Variants in MKI67 observed in about 807,000 individuals in gnomAD.
MKI67 encodes the protein proliferation marker protein Ki-67.
A neutral mutation model predicts 233.5 loss-of-function variants in MKI67; 152 were observed. The ratio of observed to expected loss-of-function variants is 0.65; its 90% CI spans 0.57 to 0.74. The LOEUF is 0.74. Ranked by LOEUF, MKI67 falls within the 30% of genes least tolerant of loss-of-function variation. The pLI is 0.00. For synonymous variants in MKI67, 1,465 were observed against 1,418.5 expected (o/e 1.03, Z -0.74); for missense variants, 3,940 against 3,885.2 (o/e 1.01, Z -0.37).
rs544558012 is a variant in MKI67 at position 128,108,629 on chromosome 10, A to G, written c.3211T>C (p.Ser1071Pro). 3.1e-6 allele frequency: 5 copies of G among 1,612,464 alleles called. No homozygotes were observed. In the African/African-American group the frequency reaches 4.0e-5, roughly 13 times the overall value. The change falls in exon 13 of 15, where the codon TCT becomes CCT. Residue 1071 changes from serine to proline, a missense_variant. By Grantham distance (74) the Ser-to-Pro change is moderately conservative (BLOSUM62 -1). Transcript: ENST00000368654. Reference sequence around the variant, plus strand: ...GCTGGGTCCAGGATCTGCTTTGGAGACTCCTTAAACGTTCTGATGCTCTTG... The same window carrying G: ...GCTGGGTCCAGGATCTGCTTTGGAGGCTCCTTAAACGTTCTGATGCTCTTG... ...DGKSIRTFKE[S>P]PKQILDPAAR...
chr10:128,099,790 T>C (rs1852295994), intron 14 of MKI67, among the ~76,000 whole-genome samples: 1 of 152,104 alleles, frequency 6.6e-6, no homozygotes, highest in Non-Finnish European at 1.5e-5. Context: ...ATATATGCAT[T>C]TTCTAGGACT....
intron 14 of MKI67, among the ~76,000 whole-genome samples, chr10:128,101,021 G>C (rs1259201921): frequency 1.3e-5 from 2 of 152,188 alleles, no homozygotes; most frequent in Admixed American, 1.3e-4. Flanking sequence ...TCTTTCTGAA[G>C]AAAGTCTTCA....
rs534065653 is a variant in MKI67 at position 128,107,441 on chromosome 10, G to A, written c.4399C>T (p.Leu1467=). The change falls in exon 13 of 15, where the codon CTG becomes TTG. Residue 1467 remains leucine (L), a synonymous_variant. Transcript: ENST00000368654. The stretch of plus-strand genomic sequence containing the variant: ...TGGAAGAGCTCTTTCAAGCCAGCCA[G>A]GTCTTCTAGGGGTTGGGCCTTTTCC... ...TKEKAQPLED[L]AGLKELFQTP... 1.3e-5 allele frequency: 21 copies of A among 1,614,160 alleles called. No homozygotes were observed. In the East Asian group the frequency reaches 2.7e-4, roughly 21 times the overall value.
chr10:128,124,906 AGGACAGGGTGAGGCCGGGATGGGGTTGGG>A (rs1853022874), intron 2 of MKI67, among the ~76,000 whole-genome samples: 1 of 76,294 alleles, frequency 1.3e-5, no homozygotes, highest in South Asian at 4.4e-4. Context: ...TGGGGTTGGG[AGGACAGGGTGAGGCCGGGATGGGGTTGGG>A]AGGACAGGGT....
Position 128,103,930 on chromosome 10 carries a change from G to C in MKI67, c.7910C>G (p.Ala2637Gly). The change falls in exon 13 of 15, where the codon GCA becomes GGA. Residue 2637 changes from alanine to glycine, a missense_variant. Transcript: ENST00000368654. ...GQSTHTHKEP[A>G]SGDEGIKVLK... ...TACTTTGATGCCCTCATCACCGCTT[G>C]CTGGTTCTTTGTGTGTGTGTGTGCT... 1 of 1,613,992 alleles carries C rather than the reference G, an allele frequency of 6.2e-7. No individual in the cohort carries two copies. The highest frequency in any genetic ancestry group is 8.5e-7 in the Non-Finnish European group (1 of 1,180,004).
Position 128,126,171 on chromosome 10 carries a change from G to A in MKI67, c.-162C>T, listed in dbSNP as rs905164978. On this transcript the variant is annotated 5_prime_UTR_variant, in exon 1 of 15. Coordinates refer to ENST00000368654, the MANE Select transcript of MKI67 (RefSeq NM_002417.5). Reference sequence around the variant, plus strand: ...AAGTCGCACCCAAAGTCCGCCGCAGGAGGAGCCGGCGCCGCGCTCACCTCC... The same window carrying A: ...AAGTCGCACCCAAAGTCCGCCGCAGAAGGAGCCGGCGCCGCGCTCACCTCC... 1 of 158,340 alleles carries A rather than the reference G, an allele frequency of 6.3e-6. No homozygotes were observed. The highest frequency in any genetic ancestry group is 1.4e-5 in the Non-Finnish European group (1 of 72,262). 9.8% of individuals were successfully genotyped at this position (158,340 alleles called of 1,614,324 possible).
In MKI67 at chr10:128,110,537, T is replaced by C. The variant is rs755943883; in HGVS notation, c.2261-4A>G. On this transcript the variant is annotated splice_region_variant and splice_polypyrimidine_tract_variant and intron_variant, in intron 11 of 14. Coordinates refer to ENST00000368654, the MANE Select transcript of MKI67 (RefSeq NM_002417.5). Reference sequence around the variant, plus strand: ...GTCTTGAACATTTCAGCTATTCCTGTTAAATGAAAATATTTGAAAAGTGAT... The same window carrying C: ...GTCTTGAACATTTCAGCTATTCCTGCTAAATGAAAATATTTGAAAAGTGAT... The C allele has an allele frequency of 2.0e-6, 3 of 1,537,880 alleles. No individual in the cohort carries two copies. The highest frequency in any genetic ancestry group is 2.7e-6 in the Non-Finnish European group (3 of 1,127,024).
chr10:128,103,593 G>A lies in MKI67; in HGVS notation c.8247C>T (p.Thr2749=), dbSNP rs746883081. 2 of 1,613,998 alleles carry A rather than the reference G, an allele frequency of 1.2e-6. No homozygotes were observed. Among genetic ancestry groups the A allele is most frequent in the Non-Finnish European group, 1.7e-6 (2 of 1,180,034 alleles). Residue 2749 remains threonine, a synonymous_variant, in exon 13 of 15, where the codon ACC becomes ACT. Transcript: ENST00000368654. ...CTGCTGGTTCTTTGTCTGCATCCGT[G>A]GTTTCCCCTGATGTTTGTGTGAACT... ...AVKFTQTSGE[T]TDADKEPAGE... is the part of the protein sequence containing the mutation.
rs373123299 is a variant in MKI67, at chr10:128,111,692, T to C, written c.2213A>G (p.Asn738Ser). Residue 738 changes from asparagine (N) to serine (S), a missense_variant, in exon 11 of 15, where the codon AAC becomes AGC. Physicochemically the swap from Asn to Ser is conservative, Grantham distance 46 (BLOSUM62 1). Coordinates refer to ENST00000368654, the MANE Select transcript of MKI67 (RefSeq NM_002417.5). ...CATTTTTTGGTTGGAAATGAAGTTG[T>C]TGAGCACTCTGTAGGGTCGAGCAGG... ...HVPARPYRVL[N>S]NFISNQKMDF... 4 of 1,614,092 alleles carry C rather than the reference T, an allele frequency of 2.5e-6. No individual in the cohort carries two copies. Among genetic ancestry groups the C allele is most frequent in the Non-Finnish European group, 3.4e-6 (4 of 1,180,004 alleles).
chr10:128,108,166 G>C lies in MKI67; in HGVS notation c.3674C>G (p.Ala1225Gly), dbSNP rs1267746504. The C allele has an allele frequency of 4.3e-6, 7 of 1,613,890 alleles. No individual in the cohort carries two copies. Among genetic ancestry groups the C allele is most frequent in the Non-Finnish European group, 5.1e-6 (6 of 1,179,962 alleles). ...KEKAQALEDL[A>G]GFKELFQTPG... Reference sequence around the variant, plus strand: ...AGTCTGGAAGAGCTCTTTAAAGCCAGCCAGGTCTTCTAGAGCCTGGGCCTT... The same window carrying C: ...AGTCTGGAAGAGCTCTTTAAAGCCACCCAGGTCTTCTAGAGCCTGGGCCTT... The change falls in exon 13 of 15, where the codon GCT becomes GGT. Residue 1225 changes from alanine (A) to glycine (G), a missense_variant. By Grantham distance (60) the Ala-to-Gly change is moderately conservative. Coordinates refer to ENST00000368654, the MANE Select transcript of MKI67 (RefSeq NM_002417.5).
In MKI67 at chr10:128,104,531, G is replaced by C. The variant is rs199757065; in HGVS notation, c.7309C>G (p.Leu2437Val). 3 of 1,614,130 alleles carry C rather than the reference G, an allele frequency of 1.9e-6. No homozygotes were observed. Among genetic ancestry groups the C allele is most frequent in the East Asian group, 2.2e-5 (1 of 44,882 alleles). Residue 2437 changes from leucine to valine, a missense_variant, in exon 13 of 15, where the codon CTG becomes GTG. Physicochemically the swap from Leu to Val is conservative, Grantham distance 32 (BLOSUM62 1). Coordinates refer to ENST00000368654, the MANE Select transcript of MKI67 (RefSeq NM_002417.5). ...TGGAAGAGTTCTTTGAAGCCAACCAGGTCCTCTAGAGCCTCAGCCTTTTCC... is the reference window on the plus strand; with the variant it reads ...TGGAAGAGTTCTTTGAAGCCAACCACGTCCTCTAGAGCCTCAGCCTTTTCC... ...PKEKAEALEDLVGFKELFQTP... is the reference protein window; with the variant it reads ...PKEKAEALEDVVGFKELFQTP...
chr10:128,100,318 C>A (rs1173243324), intron 14 of MKI67, among the ~76,000 whole-genome samples: 2 of 152,148 alleles, frequency 1.3e-5, no homozygotes, highest in African/African-American at 4.8e-5. Context: ...TCCCCCTCCA[C>A]TGGCTGCCTG....
At chr10:128,116,121 T>C (rs1377632144) in intron 6 of MKI67, 114 bp from the exon 7 acceptor site, 1 of 1,246,058 alleles carries the variant, frequency 8.0e-7, no homozygotes, top group Non-Finnish European at 1.1e-6. Flanking sequence ...TAGCTTTTAC[T>C]TGGCCTACAA....
Position 128,103,335 on chromosome 10 carries a change from T to G in MKI67, c.8505A>C (p.Ala2835=). 1 of 1,614,170 alleles carries G rather than the reference T, an allele frequency of 6.2e-7. No individual in the cohort carries two copies. Among genetic ancestry groups the G allele is most frequent in the South Asian group, 1.1e-5 (1 of 91,082 alleles). The part of the protein sequence containing the change: ...CKSSPELEDT[A]TSSKRRPRTR... ...TCCTGGGCCGTCTCTTTGAGCTTGT[T>G]GCGGTGTCTTCTAGTTCTGGTGATG... Residue 2835 remains alanine, a synonymous_variant, in exon 13 of 15, where the codon GCA becomes GCC. Coordinates refer to ENST00000368654, the MANE Select transcript of MKI67 (RefSeq NM_002417.5).
intron 11 of MKI67, among the ~76,000 whole-genome samples, chr10:128,111,161 G>C (rs915728695): frequency 1.3e-5 from 2 of 152,230 alleles, no homozygotes; most frequent in Admixed American, 6.5e-5. Flanking sequence ...TTTACTGAGA[G>C]TGGGAATTGA....
rs558936991 is a variant in MKI67, at chr10:128,114,275, C to T, written c.1480+653G>A. On this transcript the variant is annotated intron_variant, in intron 7 of 14. Transcript: ENST00000368654. ...AGTCCCTAGGAGTGTAGGAAGCTCC[C>T]GAGGAGCTACCACACCTGCTATAAA... is the stretch of plus-strand genomic sequence containing the variant. 2.9e-3 allele frequency among the ~76,000 whole-genome samples: 438 copies of T among 152,280 alleles called. 2 individuals are homozygous for T. Among genetic ancestry groups the T allele is most frequent in the African/African-American group, 9.7e-3 (403 of 41,542 alleles).
At chr10:128,117,327 T>TA (rs1406119732) in intron 5 of MKI67, among the ~76,000 whole-genome samples, 2 of 152,358 alleles carry the variant, frequency 1.3e-5, no homozygotes, top group African/African-American at 4.8e-5. Context: ...GGTGGATACT[T>TA]AGGGTGGATC....
At position 128,103,326 on chromosome 10, in the gene MKI67, T is replaced by A; in HGVS notation, c.8514A>T (p.Ser2838=). Residue 2838 remains serine (S), a synonymous_variant, in exon 13 of 15, where the codon TCA becomes TCT. Coordinates refer to ENST00000368654, the MANE Select transcript of MKI67 (RefSeq NM_002417.5). ...SPELEDTATS[S]KRRPRTRAQK... ...GGGCACGTGTCCTGGGCCGTCTCTTTGAGCTTGTTGCGGTGTCTTCTAGTT... is the reference window on the plus strand; with the variant it reads ...GGGCACGTGTCCTGGGCCGTCTCTTAGAGCTTGTTGCGGTGTCTTCTAGTT... The A allele has an allele frequency of 6.2e-7, 1 of 1,613,888 alleles. No individual in the cohort carries two copies. The highest frequency in any genetic ancestry group is 1.1e-5 in the South Asian group (1 of 91,068).
rs146031901 is a variant in MKI67, at chr10:128,113,148, G to A, written c.1656+279C>T. Among the ~76,000 whole-genome samples, 26 of 152,254 alleles carry A rather than the reference G, an allele frequency of 1.7e-4. No individual in the cohort carries two copies. The East Asian group carries it at 4.1e-3, about 24-fold the overall frequency. Reference sequence around the variant, plus strand: ...TCTGACGGTGCCTGCAGGTGATTACGCAGTGCTGTAAGCGTGGGTGTCTGG... The same window carrying A: ...TCTGACGGTGCCTGCAGGTGATTACACAGTGCTGTAAGCGTGGGTGTCTGG... On this transcript the variant is annotated intron_variant, in intron 8 of 14. Transcript: ENST00000368654.
Sources: allele counts gnomAD v4.1 joint callset (sites outside exome capture counted in the v4.1 genomes callset), GRCh38; gene constraint gnomAD v4.1.1; transcripts MANE v1.5; gene names NCBI Gene and HGNC (gene_info 2026-07-23, HGNC 2026-07-21).